The following MAGED1 variants were observed in gnomAD, a reference collection of about 807,000 sequenced individuals.
The protein encoded by MAGED1 is melanoma-associated antigen D1.
In MAGED1, 3 loss-of-function variants were observed where a neutral mutation model predicts 54.1. That is an observed-to-expected ratio of 0.06 (90% CI 0.03 to 0.14). The LOEUF (loss-of-function observed/expected upper bound fraction) is 0.14. Ranked by LOEUF, MAGED1 falls within the 10% of genes least tolerant of loss-of-function variation. The probability of loss-of-function intolerance (pLI) is 1.00; values close to 1 mark genes in which losing one functional copy is unlikely to be tolerated. For missense variants in MAGED1, 485 were observed against 623.4 expected, an observed-to-expected ratio of 0.78 and a Z score of 2.36; for synonymous variants, 217 against 227.3, an observed-to-expected ratio of 0.95 and a Z score of 0.41.
At chrX:51,840,904 T>C (rs1350240043) in intron 1 of MAGED1, among the ~76,000 whole-genome samples, 31 of 110,945 alleles carry the variant, frequency 2.8e-4, no homozygotes, top group African/African-American at 1.0e-3. Context: ...TACATGTGCA[T>C]GTGTCTTTAT....
At chrX:51,889,977 T>C (rs1444657618), upstream of MAGED1, among the ~76,000 whole-genome samples, 1 of 112,863 alleles carries the variant, frequency 8.9e-6, no homozygotes, top group African/African-American at 3.2e-5. Context: ...CTGTAAGCCC[T>C]TGGAAGTATC....
intron 1 of MAGED1, among the ~76,000 whole-genome samples, chrX:51,862,306 C>G (rs1927311206): frequency 9.0e-6 from 1 of 111,111 alleles, no homozygotes; most frequent in Non-Finnish European, 1.9e-5. Context: ...TCTGTTTTTC[C>G]AGTGCCTAAA....
chrX:51,816,803 T>C (rs1410709789), intron 1 of MAGED1, among the ~76,000 whole-genome samples: 1 of 111,043 alleles, frequency 9.0e-6, no homozygotes, highest in Non-Finnish European at 1.9e-5. Flanking sequence ...TTTGACCCAA[T>C]TAGAATCCAG....
At chrX:51,893,352 G>C (rs73502309), upstream of MAGED1, among the ~76,000 whole-genome samples, 1,084 of 109,101 alleles carry the variant, frequency 9.9e-3, 14 homozygotes, top group African/African-American at 0.035. Context: ...GTGGGGCAAG[G>C]GGTGGGACCA....
At chrX:51,812,302 T>C (rs1925247725) in intron 1 of MAGED1, among the ~76,000 whole-genome samples, 1 of 111,921 alleles carries the variant, frequency 8.9e-6, no homozygotes, top group African/African-American at 3.2e-5. Context: ...GATATGCCAT[T>C]TAGCCTTGAG....
At chrX:51,887,614 T>A (rs1928286388) in intron 1 of MAGED1, among the ~76,000 whole-genome samples, 1 of 110,923 alleles carries the variant, frequency 9.0e-6, no homozygotes, top group Non-Finnish European at 1.9e-5. Flanking sequence ...TGTACTGGCC[T>A]GACTGGATAT....
chrX:51,807,066 C>A (rs1046636210), intron 1 of MAGED1, among the ~76,000 whole-genome samples: 1 of 111,753 alleles, frequency 8.9e-6, no homozygotes, highest in African/African-American at 3.3e-5. Flanking sequence ...GGATTACAGG[C>A]CTGAGCCACT....
intron 1 of MAGED1, among the ~76,000 whole-genome samples, chrX:51,867,652 C>T (rs1196394291): frequency 8.9e-6 from 1 of 112,165 alleles, no homozygotes; most frequent in Non-Finnish European, 1.9e-5. Context: ...CTCACAGACA[C>T]ACCCAGGATC....
At chrX:51,835,965 A>G (rs1037911344) in intron 1 of MAGED1, among the ~76,000 whole-genome samples, 1 of 111,725 alleles carries the variant, frequency 9.0e-6, no homozygotes, top group Non-Finnish European at 1.9e-5. Flanking sequence ...ATTTTTTCAA[A>G]TTCTTTAATC....
At chrX:51,808,111 C>T (rs1557355274) in intron 1 of MAGED1, among the ~76,000 whole-genome samples, 1 of 112,140 alleles carries the variant, frequency 8.9e-6, no homozygotes, top group East Asian at 2.8e-4. Flanking sequence ...CTAATATCAA[C>T]AAATACCTAA....
chrX:51,898,004 G>A lies in MAGED1; in HGVS notation c.1659-110G>A, dbSNP rs782300113. 70 of 888,588 alleles carry A rather than the reference G, an allele frequency of 7.9e-5. 1 individual carries two copies. In the African/African-American group the frequency reaches 1.1e-3, roughly 14 times the overall value. The allele number at this position is 888,588 out of a possible 1,213,427, so 73.2% of individuals were successfully genotyped here. On this transcript the variant is annotated intron_variant, in intron 7 of 12. Coordinates refer to ENST00000326587, the MANE Select transcript of MAGED1 (RefSeq NM_006986.4). ...CATAGCAGGTCATGGGCAGAGCTGG[G>A]GTATAATTCTCCCCTAGCTGAGGAA...
intron 1 of MAGED1, among the ~76,000 whole-genome samples, chrX:51,832,744 G>C (rs1287796849): frequency 1.8e-5 from 2 of 110,560 alleles, no homozygotes; most frequent in African/African-American, 3.3e-5. Flanking sequence ...ACTTCTGCAT[G>C]CCTCCCCACC....
At chrX:51,834,312 C>T (rs1020652276) in intron 1 of MAGED1, among the ~76,000 whole-genome samples, 3 of 111,635 alleles carry the variant, frequency 2.7e-5, no homozygotes, top group Non-Finnish European at 3.8e-5. Context: ...ATCCTCATTC[C>T]AGCCCCACCC....
intron 1 of MAGED1, among the ~76,000 whole-genome samples, chrX:51,834,293 C>T (rs1557357732): frequency 8.9e-6 from 1 of 111,734 alleles, no homozygotes; most frequent in Non-Finnish European, 1.9e-5. Flanking sequence ...GTTCAAACCA[C>T]AGGTGAGAAT....
chrX:51,893,462 G>C (rs1471015168), upstream of MAGED1: 1 of 113,552 alleles, frequency 8.8e-6, no homozygotes, highest in Non-Finnish European at 1.9e-5. Flanking sequence ...GTTGGCAAAG[G>C]GGGCGGGACC....
At chrX:51,872,658 C>T (rs1927724023) in intron 1 of MAGED1, among the ~76,000 whole-genome samples, 1 of 112,003 alleles carries the variant, frequency 8.9e-6, no homozygotes, top group Non-Finnish European at 1.9e-5. Flanking sequence ...AGGCGATCAG[C>T]AGGACTTGTT....
Position 51,894,202 on chromosome X carries a change from A to AC in MAGED1, c.-36-61dup, listed in dbSNP as rs1928584870. 8.3e-6 allele frequency: 5 copies of AC among 602,020 alleles called. No homozygotes were observed. The South Asian group carries it at 1.3e-4, about 15-fold the overall frequency. The allele number at this position is 602,020 out of a possible 1,213,427, so 49.6% of individuals were successfully genotyped here. A position where few individuals can be genotyped will look rare whatever the true frequency, so the allele number is the denominator to read the frequency against. ...CCGCCCGCACAGTCAGACCACAGTCACCCCCCTCCCAATTAGGTCCTTCGT... is the reference window on the plus strand; with the variant it reads ...CCGCCCGCACAGTCAGACCACAGTCACCCCCCCTCCCAATTAGGTCCTTCGT... On this transcript the variant is annotated intron_variant, in intron 1 of 12. Transcript: ENST00000326587.
intron 1 of MAGED1, among the ~76,000 whole-genome samples, chrX:51,831,469 C>T (rs1159866165): frequency 2.7e-5 from 3 of 110,658 alleles, no homozygotes; most frequent in African/African-American, 9.9e-5. Flanking sequence ...AAGAATTAGT[C>T]AGGCATGGTG....
chrX:51,858,976 G>A (rs1178421803), intron 1 of MAGED1, among the ~76,000 whole-genome samples: 3 of 111,466 alleles, frequency 2.7e-5, no homozygotes, highest in Non-Finnish European at 5.6e-5. Flanking sequence ...TTAATAAATT[G>A]ATTTTCTACC....
Sources: gnomAD v4.1 joint callset for allele counts (sites outside exome capture counted in the v4.1 genomes callset) on GRCh38, gnomAD v4.1.1 for gene constraint, MANE v1.5 for transcripts, NCBI Gene and HGNC (gene_info 2026-07-23, HGNC 2026-07-21) for gene names.